Variants in SLC22A5 observed in about 807,000 individuals in gnomAD.
SLC22A5 encodes organic cation/carnitine transporter 2.
SLC22A5 carries 44 observed loss-of-function variants against 56.7 expected under a neutral mutation model. The ratio of observed to expected loss-of-function variants is 0.78; its 90% CI spans 0.61 to 1.00. The LOEUF is 1.00. Ranked by LOEUF, SLC22A5 falls within the 50% of genes least tolerant of loss-of-function variation. SLC22A5 has a pLI of 0.00. For synonymous variants in SLC22A5, 278 were observed against 292.1 expected (o/e 0.95, Z 0.49); for missense variants, 675 against 723.0 (o/e 0.93, Z 0.76).
rs200637508 is a variant in SLC22A5 at position 132,390,750 on chromosome 5, C to T, written c.1113C>T (p.Asp371=). The T allele has an allele frequency of 1.4e-5, 23 of 1,614,230 alleles. No individual in the cohort carries two copies. The highest frequency in any genetic ancestry group is 1.3e-4 in the Admixed American group (8 of 60,024). ...LSLDTPNLHG[D]IFVNCFLSAM... is the part of the protein sequence containing the mutation. ...TTGATACTCCTAACTTGCATGGGGA[C>T]ATCTTTGTGAACTGCTTCCTTTCAG... The change falls in exon 7 of 10, where the codon GAC becomes GAT. Residue 371 remains aspartate (D), a synonymous_variant. Transcript: ENST00000245407.
chr5:132,370,337 A>G lies in SLC22A5; in HGVS notation c.365A>G (p.Asp122Gly). 1.2e-6 allele frequency: 2 copies of G among 1,612,218 alleles called. No individual in the cohort carries two copies. The highest frequency in any genetic ancestry group is 1.7e-6 in the Non-Finnish European group (2 of 1,179,700). The part of the protein sequence containing the change: ...SCLDGWEFSQ[D>G]VYLSTIVTEW... ...CTGGATGGCTGGGAGTTCAGTCAGG[A>G]CGTCTACCTGTCCACCATTGTGACC... The change falls in exon 1 of 10, where the codon GAC (aspartate) becomes GGC (glycine). Residue 122 changes from aspartate to glycine, a missense_variant. Asp to Gly is a moderately conservative substitution (Grantham distance 94, BLOSUM62 -1). Transcript: ENST00000245407.
At chr5:132,386,860 T>G (rs966060073) in intron 4 of SLC22A5, among the ~76,000 whole-genome samples, 165 bp from the exon 5 acceptor site, 1 of 152,160 alleles carries the variant, frequency 6.6e-6, no homozygotes, top group Non-Finnish European at 1.5e-5. Flanking sequence ...CCACCCCAGG[T>G]TATTGCTGCG....
intron 5 of SLC22A5, among the ~76,000 whole-genome samples, chr5:132,388,319 G>A (rs897804266): frequency 7.9e-5 from 12 of 152,110 alleles, no homozygotes; most frequent in Non-Finnish European, 1.3e-4. Context: ...TCCAAACCTG[G>A]GTTTGCTTAA....
Position 132,387,011 on chromosome 5 carries a change from C to A in SLC22A5, c.825-14C>A, listed in dbSNP as rs1752553318. ...GCAGGGAGGCCTCACTGAGATTGGA[C>A]CTTGTACTGCCAGGTTCATCCCTGA... is the stretch of plus-strand genomic sequence containing the variant. On this transcript the variant is annotated splice_polypyrimidine_tract_variant and intron_variant, in intron 4 of 9. Transcript: ENST00000245407. 1 of 1,614,042 alleles carries A rather than the reference C, an allele frequency of 6.2e-7. No individual in the cohort carries two copies. The highest frequency in any genetic ancestry group is 8.5e-7 in the Non-Finnish European group (1 of 1,179,918).
At chr5:132,391,993 T>G (rs1243285692) in intron 7 of SLC22A5, among the ~76,000 whole-genome samples, 1 of 152,226 alleles carries the variant, frequency 6.6e-6, no homozygotes, top group Non-Finnish European at 1.5e-5. Context: ...CAACTTGAGA[T>G]TCTGATGGCC....
rs539006399 is a variant in SLC22A5 at position 132,370,504 on chromosome 5, A to G, written c.393+139A>G. On this transcript the variant is annotated intron_variant, in intron 1 of 9. Transcript: ENST00000245407. ...CCAACGGTCAACACCCTAGCGATGGAGACCCTCCAGCCAGGTGGCTTGGGA... is the reference window on the plus strand; with the variant it reads ...CCAACGGTCAACACCCTAGCGATGGGGACCCTCCAGCCAGGTGGCTTGGGA... 362 of 1,010,430 alleles carry G rather than the reference A, an allele frequency of 3.6e-4. 1 individual carries two copies. The African/African-American group carries it at 5.0e-3, about 14-fold the overall frequency. The allele number at this position is 1,010,430 out of a possible 1,614,324, so 62.6% of individuals were successfully genotyped here. A position where few individuals can be genotyped will look rare whatever the true frequency, so the allele number is the denominator to read the frequency against.
At position 132,369,937 on chromosome 5, in the gene SLC22A5, A is replaced by C. The variant is rs754712315; in HGVS notation, c.-36A>C. On this transcript the variant is annotated 5_prime_UTR_variant, in exon 1 of 10. Transcript: ENST00000245407. ...CGCGCAAAGCCCGCCGCGTTCCCCG[A>C]CCCCAGGCCGCGCTCTGTGGGCCTC... 1 of 1,609,376 alleles carries C rather than the reference A, an allele frequency of 6.2e-7. No homozygotes were observed. Among genetic ancestry groups the C allele is most frequent in the East Asian group, 2.2e-5 (1 of 44,748 alleles).
intron 2 of SLC22A5, chr5:132,380,881 T>C (rs1752322562): frequency 7.0e-6 from 1 of 143,568 alleles, no homozygotes; most frequent in African/African-American, 2.6e-5. Context: ...TGTCAGCATA[T>C]AGAACCCTCA....
chr5:132,370,439 C>T, intron 1 of SLC22A5, 74 bp downstream of exon 1: 3 of 1,509,228 alleles, frequency 2.0e-6, no homozygotes, highest in East Asian at 2.4e-5. Context: ...CCGAGCTCCT[C>T]TCTCCCAGAT....
chr5:132,373,841 C>T (rs1271043989), intron 1 of SLC22A5, among the ~76,000 whole-genome samples: 3 of 152,092 alleles, frequency 2.0e-5, no homozygotes, highest in Non-Finnish European at 1.5e-5. Flanking sequence ...CTGCTGGAAA[C>T]CTGGGTTGTT....
chr5:132,389,303 G>A, intron 6 of SLC22A5: 1 of 404,610 alleles, frequency 2.5e-6, no homozygotes, highest in Non-Finnish European at 4.7e-6. Context: ...TGCCCAATTT[G>A]GGTCATTTAG....
chr5:132,369,753 C>T lies in SLC22A5; in HGVS notation c.-220C>T. 2 of 502,236 alleles carry T rather than the reference C, an allele frequency of 4.0e-6. No homozygotes were observed. The highest frequency in any genetic ancestry group is 6.6e-6 in the Non-Finnish European group (2 of 304,292). 31.1% of individuals were successfully genotyped at this position (502,236 alleles called of 1,614,324 possible). Reference sequence around the variant, plus strand: ...CTGCCTGCCAGCGGGGCGCGCCTTGCGGCCCAGGCCCGCAACCTTCCCTGG... The same window carrying T: ...CTGCCTGCCAGCGGGGCGCGCCTTGTGGCCCAGGCCCGCAACCTTCCCTGG... On this transcript the variant is annotated 5_prime_UTR_variant, in exon 1 of 10. Transcript: ENST00000245407.
intron 6 of SLC22A5, chr5:132,390,474 A>T: frequency 1.6e-6 from 1 of 623,296 alleles, no homozygotes; most frequent in East Asian, 2.8e-5. Context: ...AGGCTCTGAG[A>T]GCGCACTGGC....
At chr5:132,388,535 C>G (rs1216746046) in intron 5 of SLC22A5, among the ~76,000 whole-genome samples, 1 of 152,136 alleles carries the variant, frequency 6.6e-6, no homozygotes, top group Admixed American at 6.5e-5. Context: ...ATAAACCACA[C>G]AGCCAGGTAC....
rs1752229520 is a variant in SLC22A5 at position 132,378,493 on chromosome 5, G to A, written c.497+12G>A. 1 of 1,598,332 alleles carries A rather than the reference G, an allele frequency of 6.3e-7. No individual in the cohort carries two copies. The highest frequency in any genetic ancestry group is 1.1e-5 in the South Asian group (1 of 90,722). Reference sequence around the variant, plus strand: ...CAGCTGTCAGACAGGTAAGGTGTCTGTCTTCTGGAGCACCAGGGGACCTCA... The same window carrying A: ...CAGCTGTCAGACAGGTAAGGTGTCTATCTTCTGGAGCACCAGGGGACCTCA... On this transcript the variant is annotated intron_variant, in intron 2 of 9. Coordinates refer to ENST00000245407, the MANE Select transcript of SLC22A5 (RefSeq NM_003060.4).
chr5:132,392,414 C>G lies in SLC22A5; in HGVS notation c.1268-19C>G. The G allele has an allele frequency of 6.2e-7, 1 of 1,613,340 alleles. No individual in the cohort carries two copies. On this transcript the variant is annotated intron_variant, in intron 7 of 9. Coordinates refer to ENST00000245407, the MANE Select transcript of SLC22A5 (RefSeq NM_003060.4). Reference sequence around the variant, plus strand: ...ATGGGTTGGTACCTACTCCTACCCTCTTTCCTTTGCTTCTCCAGACTTGTA... The same window carrying G: ...ATGGGTTGGTACCTACTCCTACCCTGTTTCCTTTGCTTCTCCAGACTTGTA...
In SLC22A5 at chr5:132,385,386, A is replaced by G. The variant is rs1306965974; in HGVS notation, c.711A>G (p.Ile237Met). 5.6e-6 allele frequency: 9 copies of G among 1,614,042 alleles called. No homozygotes were observed. Among genetic ancestry groups the G allele is most frequent in the Non-Finnish European group, 7.6e-6 (9 of 1,179,920 alleles). Residue 237 changes from isoleucine to methionine, a missense_variant, in exon 4 of 10, where the codon ATA becomes ATG. Coordinates refer to ENST00000245407, the MANE Select transcript of SLC22A5 (RefSeq NM_003060.4). Reference sequence around the variant, plus strand: ...TATTCTCTACGTTAGGAGTGTGCATATTTTATGCATTTGGCTACATGGTGC... The same window carrying G: ...TATTCTCTACGTTAGGAGTGTGCATGTTTTATGCATTTGGCTACATGGTGC... ...RIIFSTLGVCIFYAFGYMVLP... is the reference protein window; with the variant it reads ...RIIFSTLGVCMFYAFGYMVLP...
intron 4 of SLC22A5, among the ~76,000 whole-genome samples, chr5:132,386,222 CTTTT>C (rs1752522118): frequency 1.3e-5 from 1 of 78,708 alleles, no homozygotes; most frequent in African/African-American, 3.5e-5. Flanking sequence ...TTTTCTTTTT[CTTTT>C]CTTTTTTTTT....
At chr5:132,372,531 G>C (rs1751970967) in intron 1 of SLC22A5, among the ~76,000 whole-genome samples, 1 of 152,218 alleles carries the variant, frequency 6.6e-6, no homozygotes, top group Admixed American at 6.5e-5. Context: ...CCAAAGGCCA[G>C]CTGTGCCAGG....
Sources: allele counts gnomAD v4.1 joint callset (sites outside exome capture counted in the v4.1 genomes callset), GRCh38; gene constraint gnomAD v4.1.1; transcripts MANE v1.5; gene names NCBI Gene and HGNC (gene_info 2026-07-23, HGNC 2026-07-21).